TTLL7: variants seen among roughly 807,000 people sequenced by gnomAD.
TTLL7 encodes the protein tubulin polyglutamylase TTLL7.
A neutral mutation model predicts 120.2 loss-of-function variants in TTLL7; 53 were observed. The observed-to-expected ratio is 0.44, with a 90% CI of 0.35 to 0.55. The LOEUF (loss-of-function observed/expected upper bound fraction) is 0.55. TTLL7 is among the 20% of genes least tolerant of loss of function. The pLI is 0.00. For synonymous variants in TTLL7, 353 were observed against 351.7 expected (o/e 1.00, Z -0.04); for missense variants, 803 against 1,054.7 (o/e 0.76, Z 3.31).
Position 83,865,223 on chromosome 1 carries a change from A to G in TTLL7, c.*4739T>C, listed in dbSNP as rs1172758849. 6.6e-6 allele frequency: 1 copy of G among 151,942 alleles called. No individual in the cohort carries two copies. Among genetic ancestry groups the G allele is most frequent in the African/African-American group, 2.4e-5 (1 of 41,422 alleles). The allele number at this position is 151,942 out of a possible 1,614,324, so 9.4% of individuals were successfully genotyped here. A position where few individuals can be genotyped will look rare whatever the true frequency, so the allele number is the denominator to read the frequency against. The stretch of plus-strand genomic sequence containing the variant: ...GCACACGGGGATAATGTGAGTCATG[A>G]TTCATGTTAGCAAATGTATTGCTTT... On this transcript the variant is annotated 3_prime_UTR_variant, in exon 21 of 21. Transcript: ENST00000260505.
At chr1:83,911,115 C>A in intron 15 of TTLL7, 50 bp downstream of exon 15, 1 of 1,478,098 alleles carries the variant, frequency 6.8e-7, no homozygotes, top group Admixed American at 1.8e-5. Flanking sequence ...TTAATAATTT[C>A]AGTTCCATAA....
rs1054010327 is a variant in TTLL7 at position 83,866,609 on chromosome 1, T to G, written c.*3353A>C. 1 of 151,920 alleles carries G rather than the reference T, an allele frequency of 6.6e-6. No individual in the cohort carries two copies. Among genetic ancestry groups the G allele is most frequent in the African/African-American group, 2.4e-5 (1 of 41,430 alleles). The allele number at this position is 151,920 out of a possible 1,614,324, so 9.4% of individuals were successfully genotyped here. On this transcript the variant is annotated 3_prime_UTR_variant, in exon 21 of 21. Coordinates refer to ENST00000260505, the MANE Select transcript of TTLL7 (RefSeq NM_024686.6). ...AAATAATTTTGACCTATGATAAAATTTGTATAGATCTTTGCATCTTACCGA... is the reference window on the plus strand; with the variant it reads ...AAATAATTTTGACCTATGATAAAATGTGTATAGATCTTTGCATCTTACCGA...
At chr1:83,890,840 G>A (rs1313918372) in intron 18 of TTLL7, among the ~76,000 whole-genome samples, 1 of 152,104 alleles carries the variant, frequency 6.6e-6, no homozygotes, top group Non-Finnish European at 1.5e-5. Flanking sequence ...TTCAGTATAT[G>A]ACAGAGGCAA....
rs768522109 is a variant in TTLL7 at position 83,911,403 on chromosome 1, A to T, written c.1588-40T>A. 1.5e-5 allele frequency: 22 copies of T among 1,501,570 alleles called. No individual in the cohort carries two copies. In the Middle Eastern group the frequency reaches 5.3e-4, roughly 36 times the overall value. The allele number at this position is 1,501,570 out of a possible 1,614,324, so 93.0% of individuals were successfully genotyped here. A position where few individuals can be genotyped will look rare whatever the true frequency, so the allele number is the denominator to read the frequency against. The stretch of plus-strand genomic sequence containing the variant: ...AATGTGTTATTTTGTTAGAATTCTT[A>T]AAAAAGGTTTATTGATATGATTAGT... On this transcript the variant is annotated intron_variant, in intron 14 of 20. Transcript: ENST00000260505.
chr1:83,995,608 T>C lies in TTLL7; in HGVS notation c.-177+3323A>G, dbSNP rs533741037. Among the ~76,000 whole-genome samples, 5 of 152,180 alleles carry C rather than the reference T, an allele frequency of 3.3e-5. No homozygotes were observed. The South Asian group carries it at 1.0e-3, about 32-fold the overall frequency. On this transcript the variant is annotated intron_variant, in intron 1 of 20. Coordinates refer to ENST00000260505, the MANE Select transcript of TTLL7 (RefSeq NM_024686.6). ...GAACTGTGAGCCAATTACACCTCTT[T>C]TCTTATAAATTACCTAGTTTCAGGT...
At chr1:83,975,242 C>A (rs905160720) in intron 1 of TTLL7, among the ~76,000 whole-genome samples, 1 of 152,070 alleles carries the variant, frequency 6.6e-6, no homozygotes, top group African/African-American at 2.4e-5. Context: ...AATACTGATA[C>A]CTGGCTCCCA....
At chr1:83,983,228 G>A (rs1463517107) in intron 1 of TTLL7, among the ~76,000 whole-genome samples, 1 of 152,144 alleles carries the variant, frequency 6.6e-6, no homozygotes, top group Non-Finnish European at 1.5e-5. Context: ...CTACTCGAGA[G>A]GCTGAGGCAT....
intron 20 of TTLL7, among the ~76,000 whole-genome samples, chr1:83,877,282 T>C (rs1571019793): frequency 1.3e-5 from 2 of 152,160 alleles, no homozygotes; most frequent in East Asian, 3.9e-4. Context: ...ATCTTCCTAA[T>C]ATTTGGTTTA....
chr1:83,924,015 T>A (rs911731889), intron 10 of TTLL7, among the ~76,000 whole-genome samples: 6 of 152,156 alleles, frequency 3.9e-5, no homozygotes, highest in Admixed American at 3.9e-4. Flanking sequence ...CACTTCCTCA[T>A]CTTTCTACAA....
chr1:83,871,484 T>C (rs1653389375), intron 20 of TTLL7, among the ~76,000 whole-genome samples: 1 of 152,158 alleles, frequency 6.6e-6, no homozygotes, highest in African/African-American at 2.4e-5. Flanking sequence ...AGGATAAAGA[T>C]ACTTATGAGG....
At chr1:83,998,617 G>A (rs1009309768) in intron 1 of TTLL7, among the ~76,000 whole-genome samples, 3 of 152,176 alleles carry the variant, frequency 2.0e-5, no homozygotes, top group African/African-American at 4.8e-5. Flanking sequence ...GAGCCTCCTC[G>A]TTCACCCAAC....
intron 19 of TTLL7, 132 bp from the exon 20 acceptor site, chr1:83,883,268 G>A: frequency 1.7e-6 from 1 of 600,090 alleles, no homozygotes; most frequent in South Asian, 2.9e-5. Flanking sequence ...ACTATGAATG[G>A]TTTAAAGATA....
rs2100569160 is a variant in TTLL7, at chr1:83,970,831, A to G, written c.-176-18444T>C. Among the ~76,000 whole-genome samples the G allele has an allele frequency of 1.3e-5, 2 of 152,210 alleles. 1 individual carries two copies. The highest frequency in any genetic ancestry group is 4.8e-5 in the African/African-American group (2 of 41,546). ...AAAAGCAGCCAATAAAGGGTGTATGATAATGACAGCTTCATGGTGGGTGGC... is the reference window on the plus strand; with the variant it reads ...AAAAGCAGCCAATAAAGGGTGTATGGTAATGACAGCTTCATGGTGGGTGGC... On this transcript the variant is annotated intron_variant, in intron 1 of 20. Coordinates refer to ENST00000260505, the MANE Select transcript of TTLL7 (RefSeq NM_024686.6).
rs2100853283 is a variant in TTLL7 at position 83,947,510 on chromosome 1, A to C, written c.348-228T>G. ...GAAAAAAAAAAACAACCTTGCCCTA[A>C]TATGTACTAATTTACATATTAGTAC... On this transcript the variant is annotated intron_variant, in intron 5 of 20. Coordinates refer to ENST00000260505, the MANE Select transcript of TTLL7 (RefSeq NM_024686.6). 3 of 423,164 alleles carry C rather than the reference A, an allele frequency of 7.1e-6. No individual in the cohort carries two copies. In the East Asian group the frequency reaches 1.4e-4, roughly 20 times the overall value. 26.2% of individuals were successfully genotyped at this position (423,164 alleles called of 1,614,324 possible). A position where few individuals can be genotyped will look rare whatever the true frequency, so the allele number is the denominator to read the frequency against.
intron 18 of TTLL7, among the ~76,000 whole-genome samples, chr1:83,894,686 T>C (rs959213987): frequency 1.2e-4 from 18 of 152,082 alleles, no homozygotes; most frequent in Non-Finnish European, 2.4e-4. Flanking sequence ...TTTTCTTCAA[T>C]ATGGAGATGG....
intron 1 of TTLL7, among the ~76,000 whole-genome samples, chr1:83,974,456 A>G (rs1044262561): frequency 6.6e-6 from 1 of 152,012 alleles, no homozygotes; most frequent in Non-Finnish European, 1.5e-5. Context: ...ATCACAATAC[A>G]TTTTCTAAGC....
intron 1 of TTLL7, among the ~76,000 whole-genome samples, chr1:83,989,298 A>G (rs576185912): frequency 6.6e-6 from 1 of 152,266 alleles, no homozygotes; most frequent in East Asian, 1.9e-4. Flanking sequence ...TAGGATTTTT[A>G]TAGTTTGAGG....
chr1:83,914,590 A>G (rs952723133), intron 14 of TTLL7, among the ~76,000 whole-genome samples: 1 of 151,994 alleles, frequency 6.6e-6, no homozygotes, highest in Non-Finnish European at 1.5e-5. Context: ...TTGGCCTCCC[A>G]AAGTGCTGGG....
chr1:83,872,027 A>G (rs771677686), intron 20 of TTLL7, among the ~76,000 whole-genome samples: 70 of 152,310 alleles, frequency 4.6e-4, no homozygotes, highest in Non-Finnish European at 8.8e-4. Flanking sequence ...ATTGATAACT[A>G]TGATAATTCT....
Sources: allele counts gnomAD v4.1 joint callset (sites outside exome capture counted in the v4.1 genomes callset), GRCh38; gene constraint gnomAD v4.1.1; transcripts MANE v1.5; gene names NCBI Gene and HGNC (gene_info 2026-07-23, HGNC 2026-07-21).